CSF2RA: variants seen among roughly 807,000 people sequenced by gnomAD.
The protein encoded by CSF2RA is granulocyte-macrophage colony-stimulating factor receptor subunit alpha.
In CSF2RA, 42 loss-of-function variants were observed where a neutral mutation model predicts 51.6. The observed-to-expected ratio is 0.81, with a 90% CI of 0.64 to 1.05. CSF2RA has a LOEUF of 1.05. CSF2RA is among the 50% of genes least tolerant of loss of function. The pLI, the probability that CSF2RA is intolerant of heterozygous loss-of-function variation, is 0.00. For synonymous variants in CSF2RA, 222 were observed against 193.0 expected, an observed-to-expected ratio of 1.15 and a Z score of -1.24; for missense variants, 530 against 501.1, an observed-to-expected ratio of 1.06 and a Z score of -0.55.
At chrX:1,314,544 ATCCCACTGCACCTGCCCAAT>A (rs2084410820), downstream of CSF2RA, among the ~76,000 whole-genome samples, 47 of 110,356 alleles carry the variant, frequency 4.3e-4, 2 homozygotes, top group South Asian at 6.5e-4. Flanking sequence ...CACCTGCCCA[ATCCCACTGCACCTGCCCAAT>A]CCCACTGCAC....
chrX:1,271,330 GTA>G lies in CSF2RA; in HGVS notation c.-91+2453_-91+2454del, dbSNP rs1235247477. Among the ~76,000 whole-genome samples, 5 of 21,854 alleles carry G rather than the reference GTA, an allele frequency of 2.3e-4. 1 individual carries two copies. Among genetic ancestry groups the G allele is most frequent in the African/African-American group, 7.2e-4 (5 of 6,972 alleles). The allele number at this position is 21,854 out of a possible 152,430, so 14.3% of individuals were successfully genotyped here. Reference sequence around the variant, plus strand: ...CTGCCACCACGCCCGGCTAATTTTTGTATTTTTTTTTTTTTTTTTTTTTTTTG... The same window carrying G: ...CTGCCACCACGCCCGGCTAATTTTTGTTTTTTTTTTTTTTTTTTTTTTTTG... On this transcript the variant is annotated intron_variant, in intron 1 of 12. Coordinates refer to ENST00000381529, the MANE Select transcript of CSF2RA (RefSeq NM_172245.4).
At chrX:1,323,930 C>T in the CSF2RA span, among the ~76,000 whole-genome samples, 2 of 151,874 alleles carry the variant, frequency 1.3e-5, no homozygotes, top group Non-Finnish European at 2.9e-5. Flanking sequence ...AGGAGAATGG[C>T]GTGAACCCGG....
At chrX:1,283,060 A>T (rs1309727893) in intron 3 of CSF2RA, among the ~76,000 whole-genome samples, 1 of 152,034 alleles carries the variant, frequency 6.6e-6, no homozygotes, top group Non-Finnish European at 1.5e-5. Flanking sequence ...TGGGGCCAGG[A>T]TGAGGACCCA....
At position 1,278,867 on chromosome X, in the gene CSF2RA, A is replaced by G. The variant is rs1336210678; in HGVS notation, c.-26-3811A>G. ...AGCCTGGCCAACATGGTGAAACCCC[A>G]TCTCTACTAAAAATACAAAAATTAG... On this transcript the variant is annotated intron_variant, in intron 2 of 12. Transcript: ENST00000381529. Among the ~76,000 whole-genome samples the G allele has an allele frequency of 0.011, 1,406 of 131,814 alleles. No individual in the cohort carries two copies. In the Middle Eastern group the frequency reaches 0.15, roughly 14 times the overall value. 86.5% of individuals were successfully genotyped at this position (131,814 alleles called of 152,430 possible). A position where few individuals can be genotyped will look rare whatever the true frequency, so the allele number is the denominator to read the frequency against.
chrX:1,304,003 G>A lies in CSF2RA; in HGVS notation c.1027G>A (p.Gly343Ser), dbSNP rs1186460962. Residue 343 changes from glycine (G) to serine (S), a missense_variant, in exon 11 of 13, where the codon GGC becomes AGC. Coordinates refer to ENST00000381529, the MANE Select transcript of CSF2RA (RefSeq NM_172245.4). ...AACCCTTGTCTGTGGCATCGTCCTC[G>A]GCTTCCTCTTTAAAAGGTAACCTGT... ...VGTLVCGIVL[G>S]FLFKRFLRIQ... The A allele has an allele frequency of 1.3e-5, 21 of 1,612,372 alleles. No homozygotes were observed. Among genetic ancestry groups the A allele is most frequent in the African/African-American group, 9.4e-5 (7 of 74,412 alleles).
At chrX:1,299,271 T>C in intron 9 of CSF2RA, among the ~76,000 whole-genome samples, 1 of 152,222 alleles carries the variant, frequency 6.6e-6, no homozygotes, top group East Asian at 1.9e-4. Flanking sequence ...GTGAGTACTG[T>C]TGCCGGGTAT....
intron 7 of CSF2RA, 74 bp downstream of exon 7, chrX:1,290,583 G>A: frequency 7.0e-7 from 1 of 1,435,234 alleles, no homozygotes; most frequent in South Asian, 1.1e-5. Context: ...GTGTAACTGA[G>A]GCCACGTGCG....
the CSF2RA span, among the ~76,000 whole-genome samples, chrX:1,319,511 C>T: frequency 1.3e-5 from 2 of 149,176 alleles, no homozygotes; most frequent in Non-Finnish European, 3.0e-5. Flanking sequence ...TGGTCTCCAA[C>T]TTCTGGCCTC....
intron 7 of CSF2RA, 63 bp from the exon 8 acceptor site, chrX:1,294,265 A>G: frequency 6.2e-7 from 1 of 1,603,840 alleles, no homozygotes. Context: ...CACCACCTCC[A>G]CCTGGACCCA....
intron 2 of CSF2RA, among the ~76,000 whole-genome samples, chrX:1,279,140 C>T (rs1158603228): frequency 2.0e-5 from 3 of 150,300 alleles, no homozygotes; most frequent in Non-Finnish European, 4.4e-5. Flanking sequence ...TACTTGAGAT[C>T]AGGAGTTTGA....
In CSF2RA at chrX:1,269,860, C is replaced by T. The variant is rs759304749; in HGVS notation, c.-91+981C>T. On this transcript the variant is annotated intron_variant, in intron 1 of 12. Transcript: ENST00000381529. ...CGGTGGCTCATGCCTGTAATCCCAA[C>T]ACTTTTGGAGGCTGAGGCGGGCGGA... Among the ~76,000 whole-genome samples the T allele has an allele frequency of 3.9e-5, 6 of 152,216 alleles. No individual in the cohort carries two copies. The East Asian group carries it at 1.2e-3, about 29-fold the overall frequency.
rs767514585 is a variant in CSF2RA, at chrX:1,278,371, G to A, written c.-27+3553G>A. On this transcript the variant is annotated intron_variant, in intron 2 of 12. Coordinates refer to ENST00000381529, the MANE Select transcript of CSF2RA (RefSeq NM_172245.4). ...ATTTCAGGGCGAGCAAGTTTATTAT[G>A]AAAGTAAAGTAGTGGAAGACTAGCT... Among the ~76,000 whole-genome samples the A allele has an allele frequency of 2.1e-3, 308 of 149,104 alleles. 1 individual carries two copies. Among genetic ancestry groups the A allele is most frequent in the African/African-American group, 7.2e-3 (292 of 40,350 alleles).
chrX:1,284,652 A>T (rs2090430248), intron 3 of CSF2RA, among the ~76,000 whole-genome samples: 2 of 119,318 alleles, frequency 1.7e-5, no homozygotes, highest in African/African-American at 3.2e-5. Context: ...TGCCAAGACT[A>T]GTTTTTGATT....
Position 1,309,812 on chromosome X carries a change from C to T in CSF2RA, c.*333C>T, listed in dbSNP as rs1357982058. ...CTGAGGCAGGAGAATTGCTTGAACC[C>T]GTGAGGCGGAGGTTGTAGTGAGCCA... On this transcript the variant is annotated 3_prime_UTR_variant, in exon 13 of 13. Coordinates refer to ENST00000381529, the MANE Select transcript of CSF2RA (RefSeq NM_172245.4). 21 of 616,666 alleles carry T rather than the reference C, an allele frequency of 3.4e-5. No individual in the cohort carries two copies. The highest frequency in any genetic ancestry group is 1.1e-4 in the East Asian group (4 of 36,626). 38.2% of individuals were successfully genotyped at this position (616,666 alleles called of 1,614,324 possible).
chrX:1,318,613 T>C, the CSF2RA span, among the ~76,000 whole-genome samples: 1 of 151,582 alleles, frequency 6.6e-6, no homozygotes, highest in Non-Finnish European at 1.5e-5. Flanking sequence ...TTTGCAGATG[T>C]CTGGGAAGAC....
chrX:1,310,782 G>C (rs1418497585), downstream of CSF2RA, among the ~76,000 whole-genome samples: 1 of 152,026 alleles, frequency 6.6e-6, no homozygotes, highest in South Asian at 2.1e-4. Flanking sequence ...TAGTTTGGTT[G>C]TTTGTCCCTT....
At chrX:1,301,769 T>A (rs866912059) in intron 10 of CSF2RA, among the ~76,000 whole-genome samples, 4 of 150,782 alleles carry the variant, frequency 2.7e-5, no homozygotes, top group Middle Eastern at 3.4e-3. Flanking sequence ...GCTAATTTTT[T>A]GTATTTTTTT....
At chrX:1,273,018 C>T (rs1305190250) in intron 1 of CSF2RA, among the ~76,000 whole-genome samples, 1 of 151,520 alleles carries the variant, frequency 6.6e-6, no homozygotes, top group Non-Finnish European at 1.5e-5. Context: ...CAACATTTCA[C>T]CAGGTTGGCC....
chrX:1,277,076 GAGAC>G (rs1434285417), intron 2 of CSF2RA, among the ~76,000 whole-genome samples: 16 of 151,952 alleles, frequency 1.1e-4, no homozygotes, highest in African/African-American at 3.9e-4. Flanking sequence ...TCCAGCCTGG[GAGAC>G]AGAGCGAGGC....
Sources: allele counts gnomAD v4.1 joint callset (sites outside exome capture counted in the v4.1 genomes callset), GRCh38; gene constraint gnomAD v4.1.1; transcripts MANE v1.5; gene names NCBI Gene and HGNC (gene_info 2026-07-23, HGNC 2026-07-21).